CNOT4: variants seen among roughly 807,000 people sequenced by gnomAD.
CNOT4 encodes CCR4-associated factor 4.
Under a neutral mutation model 73.8 loss-of-function variants are expected in CNOT4, and 8 were observed. The observed-to-expected ratio is 0.11, with a 90% confidence interval of 0.06 to 0.20. The LOEUF (loss-of-function observed/expected upper bound fraction) is 0.20, where lower values mean the gene tolerates loss of function less well. CNOT4 is among the 10% of genes least tolerant of loss of function. The probability of loss-of-function intolerance (pLI) is 1.00; values close to 1 mark genes in which losing one functional copy is unlikely to be tolerated. For synonymous variants in CNOT4, 293 were observed against 321.1 expected (o/e 0.91, Z 0.94); for missense variants, 564 against 883.4 (o/e 0.64, Z 4.58).
chr7:135,435,565 T>C (rs1799105662), intron 2 of CNOT4, among the ~76,000 whole-genome samples: 1 of 152,222 alleles, frequency 6.6e-6, no homozygotes, highest in African/African-American at 2.4e-5. Context: ...CCTCTTTCCT[T>C]TCCGAAAGGT....
At chr7:135,457,579 T>C (rs1271388597) in intron 1 of CNOT4, among the ~76,000 whole-genome samples, 1 of 152,136 alleles carries the variant, frequency 6.6e-6, no homozygotes, top group Non-Finnish European at 1.5e-5. Context: ...AGTTCTATTT[T>C]AATTTTTCCA....
chr7:135,395,921 T>C (rs1563023868), intron 8 of CNOT4, 38 bp from the exon 9 acceptor site: 1 of 1,436,176 alleles, frequency 7.0e-7, no homozygotes, highest in Non-Finnish European at 9.7e-7. Context: ...ACTACATGTT[T>C]ATACATTTTA....
chr7:135,485,722 C>T (rs10046574), intron 1 of CNOT4, among the ~76,000 whole-genome samples: 11,279 of 151,988 alleles, frequency 0.074, 503 homozygotes, highest in Middle Eastern at 0.12. Context: ...GGAAGGGAAG[C>T]GGGACAAGAA....
intron 10 of CNOT4, among the ~76,000 whole-genome samples, chr7:135,380,565 A>G (rs541320083): frequency 1.8e-4 from 28 of 152,336 alleles, no homozygotes; most frequent in Middle Eastern, 3.4e-3. Context: ...GGTCATTTTG[A>G]AAGCCTTCAA....
intron 2 of CNOT4, among the ~76,000 whole-genome samples, chr7:135,425,677 A>G (rs1180483890): frequency 6.6e-6 from 1 of 152,214 alleles, no homozygotes. Flanking sequence ...GAAGTTATAA[A>G]TACTAGTTGT....
chr7:135,362,637 A>C lies in CNOT4; in HGVS notation c.*248T>G. The C allele has an allele frequency of 1.7e-6, 1 of 603,640 alleles. No individual in the cohort carries two copies. Among genetic ancestry groups the C allele is most frequent in the Non-Finnish European group, 3.0e-6 (1 of 337,644 alleles). 37.4% of individuals were successfully genotyped at this position (603,640 alleles called of 1,614,324 possible). ...CCTTTGATTTTTTTTTCTCTCCTTAAAAAGGCATTTTTAGAAACATTCAAC... is the reference window on the plus strand; with the variant it reads ...CCTTTGATTTTTTTTTCTCTCCTTACAAAGGCATTTTTAGAAACATTCAAC... On this transcript the variant is annotated 3_prime_UTR_variant, in exon 12 of 12. Coordinates refer to ENST00000541284, the MANE Select transcript of CNOT4 (RefSeq NM_001190850.2).
intron 7 of CNOT4, among the ~76,000 whole-genome samples, chr7:135,401,352 T>A (rs1796990486): frequency 6.6e-6 from 1 of 152,110 alleles, no homozygotes; most frequent in African/African-American, 2.4e-5. Flanking sequence ...ATGAAGAGAG[T>A]ATTCCATGAC....
At chr7:135,457,288 G>A (rs1800598631) in intron 1 of CNOT4, among the ~76,000 whole-genome samples, 1 of 151,858 alleles carries the variant, frequency 6.6e-6, no homozygotes. Context: ...CACAGTGAAA[G>A]GAAAGGAAGG....
chr7:135,374,558 A>G (rs145072226), intron 10 of CNOT4, among the ~76,000 whole-genome samples: 2 of 152,332 alleles, frequency 1.3e-5, no homozygotes, highest in East Asian at 3.9e-4. Context: ...CAAAAGCCAC[A>G]AAGTTCATTT....
At chr7:135,425,408 A>G (rs1798436858) in intron 2 of CNOT4, among the ~76,000 whole-genome samples, 1 of 152,250 alleles carries the variant, frequency 6.6e-6, no homozygotes, top group African/African-American at 2.4e-5. Flanking sequence ...TCAGGTTGCA[A>G]TATCAACTCT....
At chr7:135,496,185 C>T (rs1028196256) in intron 1 of CNOT4, among the ~76,000 whole-genome samples, 3 of 152,164 alleles carry the variant, frequency 2.0e-5, no homozygotes, top group South Asian at 2.1e-4. Flanking sequence ...CTCCACCTCC[C>T]GGGTTCAAGT....
At chr7:135,395,369 A>G (rs1312889731) in intron 9 of CNOT4, among the ~76,000 whole-genome samples, 4 of 152,212 alleles carry the variant, frequency 2.6e-5, no homozygotes, top group Non-Finnish European at 4.4e-5. Context: ...AAATGAAAAA[A>G]AAAATTCCCA....
intron 1 of CNOT4, among the ~76,000 whole-genome samples, chr7:135,498,276 T>C (rs554801724): frequency 4.6e-5 from 7 of 152,206 alleles, no homozygotes; most frequent in Non-Finnish European, 8.8e-5. Context: ...TTACTCCAAA[T>C]AATGAAGAAC....
At chr7:135,365,300 C>G (rs1335190669) in intron 10 of CNOT4, among the ~76,000 whole-genome samples, 6 of 151,990 alleles carry the variant, frequency 3.9e-5, no homozygotes, top group Admixed American at 3.9e-4. Flanking sequence ...AAAAAGCACT[C>G]TAGGCTACAC....
chr7:135,404,696 TG>T (rs1797185805), intron 7 of CNOT4, among the ~76,000 whole-genome samples: 1 of 152,208 alleles, frequency 6.6e-6, no homozygotes, highest in South Asian at 2.1e-4. Flanking sequence ...AGATTATACT[TG>T]ATTTTCAGTA....
At chr7:135,486,216 T>C (rs1188009019) in intron 1 of CNOT4, among the ~76,000 whole-genome samples, 2 of 151,426 alleles carry the variant, frequency 1.3e-5, no homozygotes, top group African/African-American at 2.4e-5. Flanking sequence ...AATCTAACAG[T>C]AAAGATAACC....
chr7:135,496,542 C>T (rs1803596246), intron 1 of CNOT4, among the ~76,000 whole-genome samples: 1 of 152,120 alleles, frequency 6.6e-6, no homozygotes, highest in African/African-American at 2.4e-5. Flanking sequence ...TCTCCTCGAA[C>T]TTCGTATTGG....
rs1049168855 is a variant in CNOT4, at chr7:135,363,578, T to C, written c.1840+276A>G. On this transcript the variant is annotated intron_variant, in intron 11 of 11. Transcript: ENST00000541284. The surrounding 1 kb of genome is among the most constrained non-coding windows in gnomAD (Gnocchi z 4.3). ...ATAAGAAGAGTAAGTCAGATCCTTT[T>C]GTACTTTGAGGCCTACAAAATACAC... Among the ~76,000 whole-genome samples, 6 of 152,226 alleles carry C rather than the reference T, an allele frequency of 3.9e-5. No individual in the cohort carries two copies. The highest frequency in any genetic ancestry group is 7.2e-5 in the African/African-American group (3 of 41,450).
chr7:135,373,044 G>A (rs1294544575), intron 10 of CNOT4, among the ~76,000 whole-genome samples: 1 of 152,086 alleles, frequency 6.6e-6, no homozygotes, highest in Non-Finnish European at 1.5e-5. Flanking sequence ...AAAGAAGTTG[G>A]TTGTTACACA....
Sources: gnomAD v4.1 joint callset for allele counts (sites outside exome capture counted in the v4.1 genomes callset) on GRCh38, gnomAD v4.1.1 for gene constraint, Gnocchi (gnomAD v3.1) non-coding constraint, MANE v1.5 for transcripts, NCBI Gene and HGNC (gene_info 2026-07-23, HGNC 2026-07-21) for gene names.